The following WDPCP variants were observed in gnomAD, a reference collection of about 807,000 sequenced individuals.
WDPCP encodes WD repeat containing planar cell polarity effector.
In WDPCP, 71 loss-of-function variants were observed where a neutral mutation model predicts 93.1. That is an observed-to-expected ratio of 0.76 (90% confidence interval 0.63 to 0.93). WDPCP has a LOEUF of 0.93. WDPCP is among the 40% of genes least tolerant of loss of function. The pLI, the probability that WDPCP is intolerant of heterozygous loss-of-function variation, is 0.00. For missense variants in WDPCP, 844 were observed against 887.4 expected (o/e 0.95, Z 0.62); for synonymous variants, 315 against 315.0 (o/e 1.00, Z 0.00).
intron 14 of WDPCP, among the ~76,000 whole-genome samples, chr2:63,184,540 C>G (rs1490787364): frequency 6.6e-6 from 1 of 151,958 alleles, no homozygotes; most frequent in South Asian, 2.1e-4. Context: ...AAAATAGAAT[C>G]CCAATCTTTT....
chr2:63,707,923 C>T (rs1282504152), intron 2 of WDPCP, among the ~76,000 whole-genome samples: 1 of 152,176 alleles, frequency 6.6e-6, no homozygotes. Context: ...GTATCAGCAG[C>T]GGTGGCTGCA....
intron 1 of WDPCP, among the ~76,000 whole-genome samples, chr2:63,575,489 A>ATACACT (rs1257278044): frequency 5.8e-5 from 1 of 17,288 alleles, no homozygotes; most frequent in African/African-American, 1.7e-4. Context: ...GTGTATATAT[A>ATACACT]GTATATACAG....
intron 3 of WDPCP, among the ~76,000 whole-genome samples, chr2:63,647,586 T>C (rs993399802): frequency 2.0e-5 from 3 of 152,174 alleles, no homozygotes; most frequent in African/African-American, 7.2e-5. Context: ...ATTATAGACA[T>C]GGAGTACAAG....
intron 12 of WDPCP, among the ~76,000 whole-genome samples, chr2:63,341,111 G>A (rs1241800122): frequency 6.6e-6 from 1 of 151,990 alleles, no homozygotes; most frequent in African/African-American, 2.4e-5. Context: ...TGTATGATTT[G>A]TCTTTTTAAA....
chr2:63,234,129 T>TA (rs1349128972), intron 14 of WDPCP, among the ~76,000 whole-genome samples: 1 of 152,118 alleles, frequency 6.6e-6, no homozygotes, highest in African/African-American at 2.4e-5. Context: ...ATACAGTAAA[T>TA]ACTAAATAAG....
intron 2 of WDPCP, among the ~76,000 whole-genome samples, chr2:63,678,494 T>C (rs1386910961): frequency 1.3e-5 from 2 of 152,170 alleles, no homozygotes; most frequent in Admixed American, 6.5e-5. Flanking sequence ...AGGGAATTAA[T>C]TTGAAGTAAG....
At chr2:63,815,094 G>GCCCATTAAAAAAAACTCCAAA (rs1293226632) in intron 1 of WDPCP, among the ~76,000 whole-genome samples, 6 of 152,012 alleles carry the variant, frequency 3.9e-5, no homozygotes, top group African/African-American at 1.4e-4. Context: ...ATAATTCTGT[G>GCCCATTAAAAAAAACTCCAAA]CCCATTAAAA....
intron 3 of WDPCP, among the ~76,000 whole-genome samples, chr2:63,609,617 C>T (rs2106633593): frequency 1.3e-5 from 2 of 152,280 alleles, no homozygotes; most frequent in Middle Eastern, 6.8e-3. Flanking sequence ...TGGCTGGGTG[C>T]AGTGACTCAT....
chr2:63,170,973 G>GT (rs199864209), intron 15 of WDPCP, among the ~76,000 whole-genome samples: 72 of 149,594 alleles, frequency 4.8e-4, no homozygotes, highest in Admixed American at 4.7e-4. Context: ...GGGAAAATGA[G>GT]TTTTTTTTCT....
intron 2 of WDPCP, among the ~76,000 whole-genome samples, chr2:63,716,828 G>A (rs1428444499): frequency 6.6e-6 from 1 of 152,152 alleles, no homozygotes; most frequent in Non-Finnish European, 1.5e-5. Context: ...CTAATTAAAG[G>A]CCAAAGGATT....
At chr2:63,678,334 A>C (rs1474046058) in intron 2 of WDPCP, among the ~76,000 whole-genome samples, 1 of 152,228 alleles carries the variant, frequency 6.6e-6, no homozygotes. Context: ...ATACTTTCCC[A>C]AAACCACATA....
chr2:63,683,845 T>G (rs1467338267), intron 2 of WDPCP, among the ~76,000 whole-genome samples: 1 of 145,538 alleles, frequency 6.9e-6, no homozygotes, highest in Admixed American at 6.9e-5. Context: ...TGAGACTCCA[T>G]CTCAAAAAAA....
At chr2:63,409,134 C>G (rs1694827483) in intron 9 of WDPCP, among the ~76,000 whole-genome samples, 1 of 152,184 alleles carries the variant, frequency 6.6e-6, no homozygotes, top group Non-Finnish European at 1.5e-5. Context: ...TAAGAACCCT[C>G]ACAAAGTCCA....
intron 2 of WDPCP, among the ~76,000 whole-genome samples, chr2:63,693,128 T>C (rs926231228): frequency 1.3e-4 from 20 of 152,150 alleles, no homozygotes; most frequent in African/African-American, 4.3e-4. Context: ...CCAATTCCAG[T>C]GGTCTTCCAT....
Position 63,160,333 on chromosome 2 carries a change from A to G in WDPCP, c.2079-6759T>C, listed in dbSNP as rs186109191. On this transcript the variant is annotated intron_variant, in intron 15 of 17. Transcript: ENST00000272321. ...TTAGGTCATTCACTTATACAATAAC[A>G]ATGTGATTAACATTTTTATGTTTAT... Among the ~76,000 whole-genome samples, 249 of 152,332 alleles carry G rather than the reference A, an allele frequency of 1.6e-3. 1 individual carries two copies. The highest frequency in any genetic ancestry group is 5.3e-3 in the African/African-American group (222 of 41,578).
chr2:63,271,579 G>A lies in WDPCP; in HGVS notation c.1813-12170C>T, dbSNP rs559148419. ...CCATCACTGTCACTGGTGCCTACAT[G>A]CACCATTGTGGTGCGGGGGAGGGGG... On this transcript the variant is annotated intron_variant, in intron 13 of 17. Transcript: ENST00000272321. 4.5e-4 allele frequency among the ~76,000 whole-genome samples: 68 copies of A among 152,308 alleles called. 1 individual carries two copies. Among genetic ancestry groups the A allele is most frequent in the African/African-American group, 1.6e-3 (67 of 41,570 alleles).
chr2:63,447,790 T>A (rs555501283), intron 6 of WDPCP, among the ~76,000 whole-genome samples: 18 of 152,178 alleles, frequency 1.2e-4, no homozygotes, highest in African/African-American at 4.3e-4. Context: ...TAAAGAAAGT[T>A]AGAGAAAAAT....
intron 1 of WDPCP, among the ~76,000 whole-genome samples, chr2:63,548,680 G>C (rs1192099552): frequency 6.7e-6 from 1 of 148,504 alleles, no homozygotes; most frequent in Non-Finnish European, 1.5e-5. Context: ...TTTTTTTTGA[G>C]ACCGAGCTCT....
At chr2:63,218,600 G>A (rs2104463799) in intron 14 of WDPCP, among the ~76,000 whole-genome samples, 1 of 152,214 alleles carries the variant, frequency 6.6e-6, no homozygotes, top group East Asian at 1.9e-4. Context: ...CCCTATCTCG[G>A]CTCATTGCAA....
Sources: gnomAD v4.1 joint callset for allele counts (sites outside exome capture counted in the v4.1 genomes callset) on GRCh38, gnomAD v4.1.1 for gene constraint, MANE v1.5 for transcripts, NCBI Gene and HGNC (gene_info 2026-07-23, HGNC 2026-07-21) for gene names.